Variants in SLC25A48 observed in about 807,000 individuals in gnomAD.
SLC25A48 encodes the protein solute carrier family 25 member 48, also known as CTC-321K16.1.
A neutral mutation model predicts 32.2 loss-of-function variants in SLC25A48; 29 were observed. The ratio of observed to expected loss-of-function variants is 0.90; its 90% confidence interval spans 0.67 to 1.23. The LOEUF is 1.23. Among genes scored for constraint, SLC25A48 ranks in the 50% most tolerant of loss-of-function variants. The probability of loss-of-function intolerance (pLI) is 0.00; values close to 1 mark genes in which losing one functional copy is unlikely to be tolerated. For synonymous variants in SLC25A48, 164 were observed against 172.3 expected, an observed-to-expected ratio of 0.95 and a Z score of 0.38; for missense variants, 399 against 422.7, an observed-to-expected ratio of 0.94 and a Z score of 0.49.
chr5:135,595,830 G>A (rs540256452), intron 1 of SLC25A48, among the ~76,000 whole-genome samples: 3 of 152,334 alleles, frequency 2.0e-5, no homozygotes, highest in African/African-American at 7.2e-5. Flanking sequence ...CCTGTTAACT[G>A]TCATTATCAT....
intron 3 of SLC25A48, among the ~76,000 whole-genome samples, chr5:135,789,686 C>A (rs1042751385): frequency 1.3e-5 from 2 of 151,672 alleles, no homozygotes; most frequent in East Asian, 3.9e-4. Context: ...TATTACTCCC[C>A]ATGTGGCAGG....
intron 7 of SLC25A48, among the ~76,000 whole-genome samples, chr5:135,882,023 A>C (rs1561564206): frequency 6.6e-6 from 1 of 152,214 alleles, no homozygotes; most frequent in East Asian, 1.9e-4. Context: ...GCTTCAGGAC[A>C]AAGGAGGAAA....
intron 4 of SLC25A48, among the ~76,000 whole-genome samples, chr5:135,862,365 T>C (rs1025247334): frequency 2.0e-5 from 3 of 152,238 alleles, no homozygotes; most frequent in Non-Finnish European, 4.4e-5. Flanking sequence ...AGGGAAGGAC[T>C]GAACATTAAC....
At chr5:135,726,135 C>T (rs1239787548) in intron 3 of SLC25A48, among the ~76,000 whole-genome samples, 1 of 152,220 alleles carries the variant, frequency 6.6e-6, no homozygotes, top group Non-Finnish European at 1.5e-5. Context: ...GCCAGCAGTG[C>T]CTGAGTGCAC....
intron 7 of SLC25A48, among the ~76,000 whole-genome samples, chr5:135,886,588 AATATATATATATATATATAT>A (rs147005349): frequency 1.5e-3 from 54 of 35,444 alleles, no homozygotes; most frequent in African/African-American, 8.3e-3. Flanking sequence ...TATTTAACCA[AATATATATATATATATATAT>A]ATATATATAT....
chr5:135,884,604 T>C (rs1433367163), intron 7 of SLC25A48, among the ~76,000 whole-genome samples: 1 of 152,142 alleles, frequency 6.6e-6, no homozygotes, highest in Non-Finnish European at 1.5e-5. Flanking sequence ...CCTGCCTGTC[T>C]GCCCCAGTAT....
chr5:135,600,717 C>A (rs1219434417), intron 1 of SLC25A48, among the ~76,000 whole-genome samples: 5 of 151,750 alleles, frequency 3.3e-5, no homozygotes, highest in Non-Finnish European at 5.9e-5. Flanking sequence ...GAGTCTCACT[C>A]TGTTGCCCAG....
At chr5:135,591,814 C>T (rs1751534440) in intron 1 of SLC25A48, among the ~76,000 whole-genome samples, 1 of 152,176 alleles carries the variant, frequency 6.6e-6, no homozygotes, top group Admixed American at 6.5e-5. Flanking sequence ...GACGTTGACA[C>T]CCACCTTACC....
At chr5:135,620,744 G>A (rs370179445) in intron 1 of SLC25A48, among the ~76,000 whole-genome samples, 2 of 152,088 alleles carry the variant, frequency 1.3e-5, no homozygotes, top group East Asian at 1.9e-4. Context: ...CAGCTGCTTC[G>A]AACTCCAAGG....
At position 135,763,863 on chromosome 5, in the gene SLC25A48, C is replaced by T. The variant is rs566005987; in HGVS notation, c.-520-48660C>T. On this transcript the variant is annotated intron_variant, in intron 3 of 10. Coordinates refer to the SLC25A48 transcript ENST00000646290. ...TCAGCATCCGTCTCAATTTGTGTCACTCAATTCTATTTACTTATTTATTTT... is the reference window on the plus strand; with the variant it reads ...TCAGCATCCGTCTCAATTTGTGTCATTCAATTCTATTTACTTATTTATTTT... Among the ~76,000 whole-genome samples, 721 of 152,172 alleles carry T rather than the reference C, an allele frequency of 4.7e-3. 5 individuals are homozygous for T. The highest frequency in any genetic ancestry group is 0.016 in the African/African-American group (683 of 41,528).
chr5:135,675,473 T>C (rs1438520463), intron 3 of SLC25A48, among the ~76,000 whole-genome samples: 1 of 152,068 alleles, frequency 6.6e-6, no homozygotes, highest in Non-Finnish European at 1.5e-5. Context: ...CTTTCACCAG[T>C]GTATGTTCTT....
intron 3 of SLC25A48, among the ~76,000 whole-genome samples, chr5:135,688,859 C>A (rs895844381): frequency 1.3e-5 from 2 of 152,156 alleles, no homozygotes; most frequent in African/African-American, 4.8e-5. Context: ...TCAATGGGAG[C>A]CAATGGGACC....
intron 1 of SLC25A48, among the ~76,000 whole-genome samples, chr5:135,626,438 T>G (rs1341692508): frequency 6.6e-6 from 1 of 152,216 alleles, no homozygotes; most frequent in African/African-American, 2.4e-5. Flanking sequence ...GGCTTTTTAA[T>G]ATTAGAACAT....
intron 3 of SLC25A48, among the ~76,000 whole-genome samples, chr5:135,759,414 G>GAC (rs1389560861): frequency 2.0e-5 from 3 of 152,106 alleles, no homozygotes; most frequent in African/African-American, 7.2e-5. Flanking sequence ...GTTGTTCCCT[G>GAC]ACTTCTGCTA....
At chr5:135,763,790 C>T (rs564836655) in intron 3 of SLC25A48, among the ~76,000 whole-genome samples, 1 of 151,198 alleles carries the variant, frequency 6.6e-6, no homozygotes. Flanking sequence ...CACACACACA[C>T]GAGAGAGAGA....
At chr5:135,812,179 A>G (rs1462686131) in intron 3 of SLC25A48, among the ~76,000 whole-genome samples, 1 of 152,154 alleles carries the variant, frequency 6.6e-6, no homozygotes, top group African/African-American at 2.4e-5. Context: ...TTAAGCTTCT[A>G]TGGGTACATA....
chr5:135,582,646 A>G (rs1355309904), intron 1 of SLC25A48, among the ~76,000 whole-genome samples: 1 of 152,142 alleles, frequency 6.6e-6, no homozygotes, highest in African/African-American at 2.4e-5. Context: ...CCAAGTCCCC[A>G]GCAGTGCGCA....
At chr5:135,590,910 C>G (rs752264041) in intron 1 of SLC25A48, among the ~76,000 whole-genome samples, 1 of 152,254 alleles carries the variant, frequency 6.6e-6, no homozygotes, top group African/African-American at 2.4e-5. Context: ...TGCCCATTGG[C>G]GATGAGAATA....
chr5:135,782,909 T>C (rs1756749057), intron 3 of SLC25A48, among the ~76,000 whole-genome samples: 1 of 98,770 alleles, frequency 1.0e-5, no homozygotes, highest in Admixed American at 1.0e-4. Context: ...ATCCAGGGGG[T>C]GAGAAGATGA....
Sources: gnomAD v4.1 joint callset for allele counts (sites outside exome capture counted in the v4.1 genomes callset) on GRCh38, gnomAD v4.1.1 for gene constraint, MANE v1.5 for transcripts, NCBI Gene and HGNC (gene_info 2026-07-23, HGNC 2026-07-21) for gene names.